Variants in PRELID2 observed in about 807,000 individuals in gnomAD.
The protein encoded by PRELID2 is PRELI domain-containing protein 2.
In PRELID2, 25 loss-of-function variants were observed where a neutral mutation model predicts 28.4. The ratio of observed to expected loss-of-function variants is 0.88; its 90% CI spans 0.64 to 1.23. PRELID2 has a LOEUF of 1.23. Ranked by LOEUF, PRELID2 falls within the 50% of genes most tolerant of loss-of-function variation. The probability of loss-of-function intolerance (pLI) is 0.00; values close to 1 mark genes in which losing one functional copy is unlikely to be tolerated. For missense variants in PRELID2, 201 were observed against 214.4 expected, an observed-to-expected ratio of 0.94 and a Z score of 0.39; for synonymous variants, 76 against 71.6, an observed-to-expected ratio of 1.06 and a Z score of -0.31.
chr5:145,663,399 A>G (rs1438318910), intron 1 of PRELID2, among the ~76,000 whole-genome samples: 2 of 152,262 alleles, frequency 1.3e-5, no homozygotes, highest in Admixed American at 6.5e-5. Context: ...ACAATTGAAG[A>G]GAAACAGTAA....
chr5:145,446,857 G>A, the PRELID2 span, among the ~76,000 whole-genome samples: 89 of 152,048 alleles, frequency 5.9e-4, no homozygotes, highest in Admixed American at 3.1e-3. Context: ...GACCAGCCTG[G>A]CCAACATAGT....
rs557773933 is a variant in PRELID2, at chr5:145,536,645, T to A, written n.71-63330A>T. Reference sequence around the variant, plus strand: ...TACAATGTCCCTCCCTCGGAGTCCATAGGGGCCAGGATACTTCCATGTAGT... The same window carrying A: ...TACAATGTCCCTCCCTCGGAGTCCAAAGGGGCCAGGATACTTCCATGTAGT... On this transcript the variant is annotated intron_variant and non_coding_transcript_variant, in intron 1 of 2. Coordinates refer to the PRELID2 transcript ENST00000510259. Among the ~76,000 whole-genome samples, 389 of 152,026 alleles carry A rather than the reference T, an allele frequency of 2.6e-3. 2 individuals carry two copies. Among genetic ancestry groups the A allele is most frequent in the African/African-American group, 8.9e-3 (369 of 41,544 alleles).
chr5:145,395,083 T>C, the PRELID2 span, among the ~76,000 whole-genome samples: 2 of 152,170 alleles, frequency 1.3e-5, no homozygotes, highest in African/African-American at 4.8e-5. Flanking sequence ...ATATTTATTG[T>C]ACACTTACTA....
the PRELID2 span, among the ~76,000 whole-genome samples, chr5:145,267,093 G>A: frequency 6.6e-6 from 1 of 152,066 alleles, no homozygotes; most frequent in Admixed American, 6.6e-5. Context: ...TGCAAGCCGA[G>A]GAGCAAAGAA....
At chr5:145,293,001 G>A in the PRELID2 span, among the ~76,000 whole-genome samples, 53 of 152,224 alleles carry the variant, frequency 3.5e-4, no homozygotes, top group Admixed American at 8.5e-4. Context: ...GATTACAGGT[G>A]TGAACCACCA....
the PRELID2 span, among the ~76,000 whole-genome samples, chr5:145,447,321 A>G: frequency 6.6e-6 from 1 of 151,904 alleles, no homozygotes; most frequent in Non-Finnish European, 1.5e-5. Context: ...GGATATATGA[A>G]TAATGGCTTC....
At chr5:145,264,276 T>A in the PRELID2 span, among the ~76,000 whole-genome samples, 1 of 151,834 alleles carries the variant, frequency 6.6e-6, no homozygotes, top group Admixed American at 6.6e-5. Flanking sequence ...CAACAGCAAA[T>A]CAAAACGATA....
intron 1 of PRELID2, among the ~76,000 whole-genome samples, chr5:145,554,173 T>G (rs1752861348): frequency 6.6e-6 from 1 of 151,976 alleles, no homozygotes; most frequent in African/African-American, 2.4e-5. Context: ...TACAAATACA[T>G]TACAGCTAAA....
chr5:145,556,079 G>A (rs185285338), intron 1 of PRELID2, among the ~76,000 whole-genome samples: 1 of 151,392 alleles, frequency 6.6e-6, no homozygotes, highest in East Asian at 2.0e-4. Flanking sequence ...TCTGGAGGCT[G>A]AGGCAGGAGA....
At chr5:145,229,829 C>T in the PRELID2 span, 7 of 759,840 alleles carry the variant, frequency 9.2e-6, no homozygotes, top group East Asian at 2.4e-5. Flanking sequence ...GCCCCTGCAT[C>T]GCCAAGTCCC....
the PRELID2 span, among the ~76,000 whole-genome samples, chr5:145,425,650 C>T: frequency 2.6e-5 from 4 of 152,080 alleles, no homozygotes; most frequent in African/African-American, 9.7e-5. Context: ...CAAACTAATT[C>T]AGGAACAGAA....
intron 1 of PRELID2, among the ~76,000 whole-genome samples, chr5:145,735,007 G>A (rs1350303430): frequency 6.6e-6 from 1 of 152,170 alleles, no homozygotes; most frequent in African/African-American, 2.4e-5. Flanking sequence ...AGCACTTTGG[G>A]AGGATAAGGC....
chr5:145,505,351 T>C (rs1297133823), intron 1 of PRELID2, among the ~76,000 whole-genome samples: 1 of 152,068 alleles, frequency 6.6e-6, no homozygotes, highest in Non-Finnish European at 1.5e-5. Flanking sequence ...GTGACAAAAT[T>C]TACAATAGGG....
At chr5:145,550,243 A>G (rs1010308888) in intron 1 of PRELID2, among the ~76,000 whole-genome samples, 1 of 152,230 alleles carries the variant, frequency 6.6e-6, no homozygotes, top group African/African-American at 2.4e-5. Context: ...ACTCTGGGAC[A>G]GGAACAACTT....
intron 1 of PRELID2, among the ~76,000 whole-genome samples, chr5:145,688,741 G>A (rs561384847): frequency 2.1e-4 from 32 of 152,318 alleles, no homozygotes; most frequent in African/African-American, 4.3e-4. Flanking sequence ...TACCTAGAGC[G>A]TAAGGTGCAA....
chr5:145,555,848 C>A (rs533759653), intron 1 of PRELID2, among the ~76,000 whole-genome samples: 1 of 152,108 alleles, frequency 6.6e-6, no homozygotes, highest in Non-Finnish European at 1.5e-5. Flanking sequence ...TTCCCCAAGG[C>A]CCTACTGCCA....
the PRELID2 span, among the ~76,000 whole-genome samples, chr5:145,455,928 T>G: frequency 6.6e-6 from 1 of 152,150 alleles, no homozygotes; most frequent in Non-Finnish European, 1.5e-5. Flanking sequence ...ATGCAGAAAT[T>G]ACTCGCCTTC....
intron 1 of PRELID2, among the ~76,000 whole-genome samples, chr5:145,604,796 G>A (rs1753474243): frequency 7.6e-6 from 1 of 130,822 alleles, no homozygotes; most frequent in Non-Finnish European, 1.6e-5. Context: ...TATTCTAACT[G>A]GTGTGAGATG....
intron 1 of PRELID2, among the ~76,000 whole-genome samples, chr5:145,655,598 C>G (rs1490570533): frequency 6.6e-6 from 1 of 152,154 alleles, no homozygotes; most frequent in Non-Finnish European, 1.5e-5. Context: ...TAATACCACA[C>G]ATCTACAACC....
Sources: gnomAD v4.1 joint callset for allele counts (sites outside exome capture counted in the v4.1 genomes callset) on GRCh38, gnomAD v4.1.1 for gene constraint, MANE v1.5 for transcripts, NCBI Gene and HGNC (gene_info 2026-07-23, HGNC 2026-07-21) for gene names.